The following MACROD2 variants were observed in gnomAD, a reference collection of about 807,000 sequenced individuals.
The protein encoded by MACROD2 is ADP-ribose glycohydrolase MACROD2.
A neutral mutation model predicts 70.4 loss-of-function variants in MACROD2; 36 were observed. That is an observed-to-expected ratio of 0.51 (90% CI 0.39 to 0.68). The LOEUF (loss-of-function observed/expected upper bound fraction) is 0.68, where lower values mean the gene tolerates loss of function less well. MACROD2 is among the 30% of genes least tolerant of loss of function. MACROD2 has a pLI of 0.00. For synonymous variants in MACROD2, 172 were observed against 178.8 expected, an observed-to-expected ratio of 0.96 and a Z score of 0.30; for missense variants, 496 against 538.4, an observed-to-expected ratio of 0.92 and a Z score of 0.78.
chr20:15,530,874 A>G (rs566646830), intron 8 of MACROD2, among the ~76,000 whole-genome samples: 2 of 152,286 alleles, frequency 1.3e-5, no homozygotes, highest in South Asian at 4.1e-4. Context: ...TATTTATTGA[A>G]GAAAATATTT....
At chr20:15,753,534 G>C (rs1437770822) in intron 8 of MACROD2, among the ~76,000 whole-genome samples, 1 of 152,136 alleles carries the variant, frequency 6.6e-6, no homozygotes, top group Non-Finnish European at 1.5e-5. Flanking sequence ...CATCTATGTT[G>C]ATTCCATGAC....
At chr20:15,006,592 C>T (rs1476790377) in intron 5 of MACROD2, among the ~76,000 whole-genome samples, 2 of 152,072 alleles carry the variant, frequency 1.3e-5, no homozygotes, top group Non-Finnish European at 2.9e-5. Flanking sequence ...AAACTTCGTG[C>T]TGTATACCTT....
rs148195602 is a variant in MACROD2, at chr20:14,924,165, A to G, written c.418+239206A>G. Among the ~76,000 whole-genome samples, 99 of 152,312 alleles carry G rather than the reference A, an allele frequency of 6.5e-4. 1 individual carries two copies. The highest frequency in any genetic ancestry group is 6.0e-3 in the East Asian group (31 of 5,178). On this transcript the variant is annotated intron_variant, in intron 5 of 17. Coordinates refer to ENST00000684519, the MANE Select transcript of MACROD2 (RefSeq NM_001351661.2). ...TTAAAAAACAGAAAAATAATACCAT[A>G]TGGAAATAGAGTTGGCTGGGTGTGG...
At chr20:15,066,821 G>T (rs1472364724) in intron 5 of MACROD2, among the ~76,000 whole-genome samples, 2 of 151,624 alleles carry the variant, frequency 1.3e-5, no homozygotes, top group African/African-American at 4.8e-5. Context: ...GGCGGAGGTT[G>T]CAGTGAGCCA....
rs186122381 is a variant in MACROD2, at chr20:15,763,715, A to C, written c.646-99030A>C. Among the ~76,000 whole-genome samples, 681 of 152,278 alleles carry C rather than the reference A, an allele frequency of 4.5e-3. 9 individuals carry two copies. Among genetic ancestry groups the C allele is most frequent in the African/African-American group, 0.016 (647 of 41,554 alleles). ...ACACAGATTTTTGTCTCAATGTTCT[A>C]TTTAACATGCTTTCTGCTAACTCAA... On this transcript the variant is annotated intron_variant, in intron 8 of 17. Transcript: ENST00000684519.
chr20:15,102,197 T>G (rs1213829574), intron 5 of MACROD2, among the ~76,000 whole-genome samples: 3 of 151,694 alleles, frequency 2.0e-5, no homozygotes, highest in Non-Finnish European at 4.4e-5. Context: ...TCCTAACAGC[T>G]CACAAATAAA....
intron 7 of MACROD2, among the ~76,000 whole-genome samples, chr20:15,473,239 G>T (rs1177450977): frequency 6.6e-6 from 1 of 152,182 alleles, no homozygotes; most frequent in African/African-American, 2.4e-5. Flanking sequence ...TTAACAGTGT[G>T]TTTGGCCCAG....
rs2077644331 is a variant in MACROD2, at chr20:15,301,598, T to TTTTTTTTTTTTTTTTTG, written c.540+71539_540+71555dup. On this transcript the variant is annotated intron_variant, in intron 6 of 17. Transcript: ENST00000684519. ...AGTAAGATGGTAGGTGGCCTTTTTT[T>TTTTTTTTTTTTTTTTTG]TTTTTTTTTTTTTTTTGTAGAGACA... is the stretch of plus-strand genomic sequence containing the variant. Among the ~76,000 whole-genome samples, 2 of 140,660 alleles carry TTTTTTTTTTTTTTTTTG rather than the reference T, an allele frequency of 1.4e-5. 1 individual carries two copies. The highest frequency in any genetic ancestry group is 3.1e-5 in the Non-Finnish European group (2 of 64,234). 92.3% of individuals were successfully genotyped at this position (140,660 alleles called of 152,430 possible).
At chr20:15,239,386 T>C (rs1322523919) in intron 6 of MACROD2, among the ~76,000 whole-genome samples, 4 of 152,140 alleles carry the variant, frequency 2.6e-5, no homozygotes, top group African/African-American at 4.8e-5. Context: ...TTTTTTTTAA[T>C]GGAAAACATG....
chr20:14,252,062 A>G (rs2082017785), intron 3 of MACROD2, among the ~76,000 whole-genome samples: 1 of 152,080 alleles, frequency 6.6e-6, no homozygotes, highest in South Asian at 2.1e-4. Context: ...TATGTGTCCC[A>G]CTATGGACAC....
intron 3 of MACROD2, among the ~76,000 whole-genome samples, chr20:14,172,068 G>A (rs572616685): frequency 6.6e-6 from 1 of 152,206 alleles, no homozygotes; most frequent in Non-Finnish European, 1.5e-5. Flanking sequence ...TATTGGACAA[G>A]TTCTTTTATC....
At chr20:15,864,274 A>G (rs1019205458) in intron 9 of MACROD2, among the ~76,000 whole-genome samples, 2 of 152,086 alleles carry the variant, frequency 1.3e-5, no homozygotes, top group African/African-American at 2.4e-5. Context: ...TTGCTTTATG[A>G]CAATATTGAG....
intron 8 of MACROD2, among the ~76,000 whole-genome samples, chr20:15,576,552 G>GTTTTTTTTTTT (rs11473854): frequency 4.1e-5 from 6 of 145,752 alleles, no homozygotes; most frequent in Non-Finnish European, 6.0e-5. Flanking sequence ...TGCACAAAAT[G>GTTTTTTTTTTT]TTTTTTTTTT....
intron 8 of MACROD2, among the ~76,000 whole-genome samples, chr20:15,792,610 T>C (rs2063634970): frequency 6.6e-6 from 1 of 152,128 alleles, no homozygotes; most frequent in African/African-American, 2.4e-5. Context: ...AATAATGAGA[T>C]GTCATGTTTT....
intron 3 of MACROD2, among the ~76,000 whole-genome samples, chr20:14,116,345 C>T (rs74568313): frequency 0.023 from 3,472 of 152,294 alleles, 49 homozygotes; most frequent in Middle Eastern, 0.051. Flanking sequence ...TATCCGTTTA[C>T]GTATCTCCAA....
intron 5 of MACROD2, among the ~76,000 whole-genome samples, chr20:15,139,871 C>T (rs2123302886): frequency 6.6e-6 from 1 of 152,284 alleles, no homozygotes; most frequent in East Asian, 1.9e-4. Flanking sequence ...CATATAGAGA[C>T]TGGGTTGCAG....
intron 8 of MACROD2, among the ~76,000 whole-genome samples, chr20:15,687,552 T>C (rs930415028): frequency 6.6e-6 from 1 of 152,132 alleles, no homozygotes; most frequent in Non-Finnish European, 1.5e-5. Flanking sequence ...GTTTCTGTCA[T>C]GCCATACTCT....
At chr20:15,160,197 T>C (rs1413348227) in intron 5 of MACROD2, among the ~76,000 whole-genome samples, 3 of 151,934 alleles carry the variant, frequency 2.0e-5, no homozygotes, top group Non-Finnish European at 4.4e-5. Flanking sequence ...ATAAGGAGGC[T>C]CTTACAATTA....
At chr20:15,886,544 C>A (rs1033024746) in intron 10 of MACROD2, among the ~76,000 whole-genome samples, 1 of 152,134 alleles carries the variant, frequency 6.6e-6, no homozygotes, top group Admixed American at 6.6e-5. Flanking sequence ...CTGTGGCCAT[C>A]TTTGGAAAAT....
Sources: allele counts gnomAD v4.1 joint callset (sites outside exome capture counted in the v4.1 genomes callset), GRCh38; gene constraint gnomAD v4.1.1; transcripts MANE v1.5; gene names NCBI Gene and HGNC (gene_info 2026-07-23, HGNC 2026-07-21).